The following STOX2 variants were observed in gnomAD, a reference collection of about 807,000 sequenced individuals.
STOX2 encodes the protein storkhead-box protein 2.
STOX2 carries 28 observed loss-of-function variants against 60.9 expected under a neutral mutation model. The ratio of observed to expected loss-of-function variants is 0.46; its 90% CI spans 0.34 to 0.63. The LOEUF (loss-of-function observed/expected upper bound fraction) is 0.63, where lower values mean the gene tolerates loss of function less well. Ranked by LOEUF, STOX2 falls within the 30% of genes least tolerant of loss-of-function variation. The pLI is 0.01. For missense variants in STOX2, 1,024 were observed against 1,187.7 expected (o/e 0.86, Z 2.03); for synonymous variants, 472 against 463.9 (o/e 1.02, Z -0.22).
intron 1 of STOX2, among the ~76,000 whole-genome samples, chr4:183,909,760 G>GCTTT (rs33939452): frequency 0.37 from 56,005 of 151,798 alleles, 10,488 homozygotes; most frequent in East Asian, 0.45. Flanking sequence ...TTCTATAATA[G>GCTTT]CAAATGAGAC....
chr4:183,802,588 A>C (rs1018679862), intron 1 of STOX2, among the ~76,000 whole-genome samples: 1 of 149,598 alleles, frequency 6.7e-6, no homozygotes, highest in Admixed American at 6.7e-5. Flanking sequence ...TATGTTGCCA[A>C]GGCTGGTTGT....
At chr4:183,863,737 C>T (rs1391765610) in intron 1 of STOX2, among the ~76,000 whole-genome samples, 2 of 152,226 alleles carry the variant, frequency 1.3e-5, no homozygotes, top group Non-Finnish European at 2.9e-5. Context: ...TACATATTTA[C>T]ATAGAAAAGA....
chr4:183,891,039 A>G (rs1227147529), intron 1 of STOX2, among the ~76,000 whole-genome samples: 1 of 151,776 alleles, frequency 6.6e-6, no homozygotes, highest in African/African-American at 2.4e-5. Context: ...GAGCCCAGGT[A>G]GTCAAGGCTG....
intron 1 of STOX2, among the ~76,000 whole-genome samples, chr4:183,972,773 A>C (rs527397907): frequency 3.9e-5 from 6 of 152,362 alleles, no homozygotes; most frequent in African/African-American, 1.4e-4. Context: ...GAATTAGGAT[A>C]ATCTCAATTT....
chr4:184,011,258 A>G lies in STOX2; in HGVS notation c.2420A>G (p.Glu807Gly). Residue 807 changes from glutamate to glycine, a missense_variant, in exon 3 of 4, where the codon GAG (glutamate) becomes GGG (glycine). By Grantham distance (98) the Glu-to-Gly change is moderately conservative. This residue lies in a region of STOX2 where 922 missense variants were observed against 1,058.3 expected (regional missense o/e 0.87). Coordinates refer to ENST00000308497, the MANE Select transcript of STOX2 (RefSeq NM_020225.3). This position sits in a 1 kb window ranked among gnomAD's most constrained non-coding sequence, Gnocchi z 4.4. ...EDVGTMQWLL[E>G]REKERDLQRK... ...GTAGGCACCATGCAGTGGCTCCTCG[A>G]GCGGGAGAAGGAAAGAGACTTGCAG... is the stretch of plus-strand genomic sequence containing the variant. 1.2e-6 allele frequency: 2 copies of G among 1,613,698 alleles called. No homozygotes were observed. The highest frequency in any genetic ancestry group is 1.7e-6 in the Non-Finnish European group (2 of 1,179,740).
At position 183,798,554 on chromosome 4, in the gene STOX2, G is replaced by A. The variant is rs922791111; in HGVS notation, c.364+499G>A. ...GGGCGGCGACTGCGGGGGACGCGCC[G>A]GGAAGCTAGGGTTGAGGCTGAGTGT... On this transcript the variant is annotated intron_variant, in intron 1 of 2. Coordinates refer to the STOX2 transcript ENST00000513034. 5.4e-6 allele frequency: 5 copies of A among 928,656 alleles called. No individual in the cohort carries two copies. The Admixed American group carries it at 2.5e-4, about 46-fold the overall frequency. The allele number at this position is 928,656 out of a possible 1,614,324, so 57.5% of individuals were successfully genotyped here. A position where few individuals can be genotyped will look rare whatever the true frequency, so the allele number is the denominator to read the frequency against.
intron 1 of STOX2, among the ~76,000 whole-genome samples, chr4:183,827,248 A>G (rs1419649193): frequency 6.6e-6 from 1 of 152,232 alleles, no homozygotes; most frequent in Non-Finnish European, 1.5e-5. Flanking sequence ...CTGTAATCCT[A>G]GCACTTTGGG....
intron 1 of STOX2, among the ~76,000 whole-genome samples, chr4:183,860,778 TTATGAAAAACCCCCTG>T (rs1424510022): frequency 6.6e-6 from 1 of 152,192 alleles, no homozygotes; most frequent in Non-Finnish European, 1.5e-5. Context: ...CCTGACACCT[TTATGAAAAACCCCCTG>T]TATGAAAAAC....
chr4:183,943,503 T>C (rs1742804302), intron 1 of STOX2, among the ~76,000 whole-genome samples: 2 of 152,218 alleles, frequency 1.3e-5, no homozygotes, highest in Non-Finnish European at 2.9e-5. Flanking sequence ...AACTGTTGAA[T>C]GTATTTGGAA....
chr4:183,871,509 C>A (rs1740692785), intron 1 of STOX2, among the ~76,000 whole-genome samples: 2 of 152,094 alleles, frequency 1.3e-5, no homozygotes, highest in South Asian at 4.2e-4. Flanking sequence ...GGCTTTTGTG[C>A]CAGAAAAATA....
At chr4:183,829,540 G>A (rs985090936) in intron 1 of STOX2, among the ~76,000 whole-genome samples, 1 of 152,122 alleles carries the variant, frequency 6.6e-6, no homozygotes, top group Non-Finnish European at 1.5e-5. Flanking sequence ...TTGGTGGCAC[G>A]TCTCCCTCAT....
chr4:183,851,792 A>G (rs373992619), intron 1 of STOX2, among the ~76,000 whole-genome samples: 71 of 78,822 alleles, frequency 9.0e-4, no homozygotes, highest in African/African-American at 2.1e-3. Flanking sequence ...AAAGGATGAG[A>G]GAAAGGATGA....
chr4:183,916,462 C>T (rs1484097955), intron 1 of STOX2, among the ~76,000 whole-genome samples: 1 of 152,168 alleles, frequency 6.6e-6, no homozygotes, highest in African/African-American at 2.4e-5. Flanking sequence ...ACCTCGGCTT[C>T]CTTACCTGCA....
chr4:183,935,379 T>C (rs1215278009), intron 1 of STOX2, among the ~76,000 whole-genome samples: 1 of 152,212 alleles, frequency 6.6e-6, no homozygotes, highest in Non-Finnish European at 1.5e-5. Flanking sequence ...GAAGATCGTA[T>C]TTAGGTTTGT....
intron 2 of STOX2, among the ~76,000 whole-genome samples, chr4:184,006,756 TA>T (rs1288101455): frequency 1.4e-5 from 2 of 145,398 alleles, no homozygotes; most frequent in South Asian, 4.3e-4. Context: ...ATTATAAAAT[TA>T]AAAAACACCA....
intron 2 of STOX2, among the ~76,000 whole-genome samples, chr4:184,003,948 ATTT>A (rs34806465): frequency 4.1e-5 from 6 of 147,602 alleles, no homozygotes; most frequent in East Asian, 3.9e-4. Context: ...CCTTCCTTTG[ATTT>A]TTTTTTTTGT....
chr4:183,821,119 A>G lies in STOX2; in HGVS notation c.364+23064A>G, dbSNP rs183414428. Among the ~76,000 whole-genome samples the G allele has an allele frequency of 6.6e-6, 1 of 152,224 alleles. No individual in the cohort carries two copies. ...TGAGACCCTGTCTCAAAGAAAAAGA[A>G]AAAAGAAAAAGAAAAAAGAGATTTT... On this transcript the variant is annotated intron_variant, in intron 1 of 2. Coordinates refer to the STOX2 transcript ENST00000513034. The surrounding 1 kb of genome is among the most constrained non-coding windows in gnomAD (Gnocchi z 4.2).
chr4:183,905,257 C>T (rs1741556491), upstream of STOX2: 1 of 152,358 alleles, frequency 6.6e-6, no homozygotes, highest in Admixed American at 6.5e-5. Flanking sequence ...GCCCCTCCTC[C>T]CCTCGCGCGC....
intron 1 of STOX2, among the ~76,000 whole-genome samples, chr4:183,939,597 G>T (rs549047504): frequency 1.5e-4 from 23 of 151,788 alleles, no homozygotes; most frequent in African/African-American, 4.9e-4. Flanking sequence ...GATGGTCACA[G>T]ATTTTTTTTT....
Sources: gnomAD v4.1 joint callset for allele counts (sites outside exome capture counted in the v4.1 genomes callset) on GRCh38, gnomAD v4.1.1 for gene constraint, gnomAD v4.1.1 regional missense constraint, Gnocchi (gnomAD v3.1) non-coding constraint, MANE v1.5 for transcripts, NCBI Gene and HGNC (gene_info 2026-07-23, HGNC 2026-07-21) for gene names.